The following SEC14L3 variants were observed in gnomAD, a reference collection of about 807,000 sequenced individuals.
The protein encoded by SEC14L3 is SEC14 like lipid binding 3.
A neutral mutation model predicts 57.4 loss-of-function variants in SEC14L3; 56 were observed. The observed-to-expected ratio is 0.97, with a 90% CI of 0.79 to 1.22. The LOEUF (loss-of-function observed/expected upper bound fraction) is 1.22, where lower values mean the gene tolerates loss of function less well. SEC14L3 is among the 50% of genes most tolerant of loss of function. The pLI is 0.00. For synonymous variants in SEC14L3, 173 were observed against 194.4 expected, an observed-to-expected ratio of 0.89 and a Z score of 0.92; for missense variants, 485 against 511.7, an observed-to-expected ratio of 0.95 and a Z score of 0.50.
downstream of SEC14L3, among the ~76,000 whole-genome samples, chr22:30,459,052 C>G (rs1023237308): frequency 6.6e-6 from 1 of 152,042 alleles, no homozygotes. Flanking sequence ...ACGAACACCC[C>G]CTGCCCCAGG....
chr22:30,453,107 A>G (rs1317313647), intron 12 of SEC14L3, among the ~76,000 whole-genome samples: 2 of 152,180 alleles, frequency 1.3e-5, no homozygotes, highest in African/African-American at 4.8e-5. Flanking sequence ...GTAACACTAG[A>G]AAATTCAGGT....
At chr22:30,461,218 A>T (rs1935244947) in intron 11 of SEC14L3, 92 bp downstream of exon 11, 1 of 1,429,380 alleles carries the variant, frequency 7.0e-7, no homozygotes. Flanking sequence ...TGAATGGGGG[A>T]GGTGTGTCAC....
chr22:30,466,936 C>A (rs775365010), intron 6 of SEC14L3, 46 bp downstream of exon 6: 1 of 1,573,022 alleles, frequency 6.4e-7, no homozygotes, highest in Non-Finnish European at 8.7e-7. Context: ...GCAGGCCAAG[C>A]TGGTCATCAA....
Position 30,461,651 on chromosome 22 carries a change from T to C in SEC14L3, c.815A>G (p.Asp272Gly). 1.2e-6 allele frequency: 2 copies of C among 1,613,370 alleles called. No homozygotes were observed. Among genetic ancestry groups the C allele is most frequent in the Non-Finnish European group, 1.7e-6 (2 of 1,179,748 alleles). The stretch of plus-strand genomic sequence containing the variant: ...GTGCTCGTACTGAGTCTTCACCTGG[T>C]CCCGCACGTACATGGACTTGGGGAT... The part of the protein sequence containing the change: ...GEIPKSMYVR[D>G]QVKTQYEHSV... Residue 272 changes from aspartate (D) to glycine (G), a missense_variant, in exon 10 of 12, where the codon GAC becomes GGC. By Grantham distance (94) the Asp-to-Gly change is moderately conservative. Coordinates refer to ENST00000215812, the MANE Select transcript of SEC14L3 (RefSeq NM_174975.5).
chr22:30,462,594 GT>G (rs927526740), intron 8 of SEC14L3, among the ~76,000 whole-genome samples: 6 of 150,908 alleles, frequency 4.0e-5, no homozygotes, highest in African/African-American at 1.2e-4. Context: ...GTTTTGTTTG[GT>G]TTTTTTTTGT....
chr22:30,470,458 GC>G (rs760243727), intron 2 of SEC14L3, 48 bp downstream of exon 2: 1 of 1,612,520 alleles, frequency 6.2e-7, no homozygotes, highest in East Asian at 2.2e-5. Context: ...TTGAGACCAG[GC>G]CCCTCTTGAT....
chr22:30,464,499 C>T lies in SEC14L3; in HGVS notation c.664+321G>A, dbSNP rs117396214. ...AGGCTGGAGTGCAGTGGTGTGAACA[C>T]GACTCACTGCAGCTTCATACTCCTG... On this transcript the variant is annotated intron_variant, in intron 8 of 11. Coordinates refer to ENST00000215812, the MANE Select transcript of SEC14L3 (RefSeq NM_174975.5). 2.3e-3 allele frequency among the ~76,000 whole-genome samples: 356 copies of T among 152,206 alleles called. 6 individuals are homozygous for T. The East Asian group carries it at 0.04, about 17-fold the overall frequency.
At position 30,471,945 on chromosome 22, in the gene SEC14L3, A is replaced by T. The variant is rs746994640; in HGVS notation, c.14T>A (p.Val5Asp). The stretch of plus-strand genomic sequence containing the variant: ...TGCCTGTTTGGGGCTCAGGTCTCCA[A>T]CTCGGCCGCTCATGGTGCTGGCTGG... MSGR[V>D]GDLSPKQAET... Residue 5 changes from valine (V) to aspartate (D), a missense_variant, in exon 1 of 12, where the codon GTT (valine) becomes GAT (aspartate). Physicochemically the swap from Val to Asp is radical, Grantham distance 152 (BLOSUM62 -3). Transcript: ENST00000215812. 1.2e-6 allele frequency: 2 copies of T among 1,608,312 alleles called. No individual in the cohort carries two copies. The highest frequency in any genetic ancestry group is 2.2e-5 in the South Asian group (2 of 90,548).
At chr22:30,452,143 C>T (rs959650467) in intron 12 of SEC14L3, among the ~76,000 whole-genome samples, 1 of 151,836 alleles carries the variant, frequency 6.6e-6, no homozygotes, top group Non-Finnish European at 1.5e-5. Context: ...TGAATTTCCA[C>T]CGCGTGTTTC....
At chr22:30,454,562 A>ATATTATTATATATAATCTATAATAATAT (rs10677217), downstream of SEC14L3, among the ~76,000 whole-genome samples, 1 of 55,648 alleles carries the variant, frequency 1.8e-5, no homozygotes, top group African/African-American at 7.2e-5. Context: ...ATCTATAATA[A>ATATTATTATATATAATCTATAATAATAT]TATTATATAT....
downstream of SEC14L3, among the ~76,000 whole-genome samples, chr22:30,456,299 C>G (rs1213042563): frequency 1.0e-5 from 1 of 95,998 alleles, no homozygotes; most frequent in African/African-American, 4.0e-5. Context: ...ACCCTGTCTC[C>G]AAAAAAAAAA....
In SEC14L3 at chr22:30,470,493, A is replaced by C. The variant is rs769663979; in HGVS notation, c.130+14T>G. On this transcript the variant is annotated intron_variant, in intron 2 of 11. Transcript: ENST00000215812. ...ATGCCCCCTGATCCCAACCTCTCCC[A>C]CCTCTGCCCTCACCTCGGAGCCAGC... is the stretch of plus-strand genomic sequence containing the variant. 5.0e-6 allele frequency: 8 copies of C among 1,613,672 alleles called. No homozygotes were observed. Among genetic ancestry groups the C allele is most frequent in the Non-Finnish European group, 5.9e-6 (7 of 1,179,974 alleles).
downstream of SEC14L3, among the ~76,000 whole-genome samples, chr22:30,455,638 G>A (rs1316052626): frequency 6.6e-6 from 1 of 152,182 alleles, no homozygotes; most frequent in Non-Finnish European, 1.5e-5. Flanking sequence ...CTCTGAAGGG[G>A]CCAGTGTGGT....
At chr22:30,463,885 G>A (rs998159289) in intron 8 of SEC14L3, among the ~76,000 whole-genome samples, 3 of 152,024 alleles carry the variant, frequency 2.0e-5, no homozygotes, top group Non-Finnish European at 2.9e-5. Context: ...AAAACCACAC[G>A]ATCTCTCACT....
chr22:30,462,836 C>G (rs961846884), intron 8 of SEC14L3, among the ~76,000 whole-genome samples: 2 of 151,316 alleles, frequency 1.3e-5, no homozygotes, highest in African/African-American at 4.9e-5. Context: ...CTCATGGTTT[C>G]AAGCAGTTCT....
downstream of SEC14L3, among the ~76,000 whole-genome samples, chr22:30,454,515 ATAT>A (rs1375440571): frequency 3.3e-5 from 4 of 122,930 alleles, no homozygotes; most frequent in African/African-American, 6.2e-5. Flanking sequence ...ATCTATAATA[ATAT>A]TATTATATAT....
chr22:30,454,532 C>A (rs1935046005), downstream of SEC14L3, among the ~76,000 whole-genome samples: 11 of 96,458 alleles, frequency 1.1e-4, no homozygotes, highest in South Asian at 3.3e-4. Context: ...TATATATAAT[C>A]TATAATAATA....
At chr22:30,465,402 C>T (rs1010137299) in intron 7 of SEC14L3, among the ~76,000 whole-genome samples, 3 of 152,124 alleles carry the variant, frequency 2.0e-5, no homozygotes, top group Non-Finnish European at 4.4e-5. Context: ...AAATAACCAG[C>T]CAGCCAACCA....
chr22:30,462,277 G>A lies in SEC14L3; in HGVS notation c.665-85C>T, dbSNP rs920225765. ...ACACCCACCAGGATGACCTGAACTG[G>A]GGGAGAAGCCCTATAGGAGGTAGGC... is the stretch of plus-strand genomic sequence containing the variant. On this transcript the variant is annotated intron_variant, in intron 8 of 11. Transcript: ENST00000215812. 6.0e-6 allele frequency: 9 copies of A among 1,497,530 alleles called. No individual in the cohort carries two copies. The African/African-American group carries it at 9.8e-5, about 16-fold the overall frequency. 92.8% of individuals were successfully genotyped at this position (1,497,530 alleles called of 1,614,324 possible).
Sources: gnomAD v4.1 joint callset for allele counts (sites outside exome capture counted in the v4.1 genomes callset) on GRCh38, gnomAD v4.1.1 for gene constraint, MANE v1.5 for transcripts, NCBI Gene and HGNC (gene_info 2026-07-23, HGNC 2026-07-21) for gene names.